Variants in PCDH9 observed in about 807,000 individuals in gnomAD.
PCDH9 encodes protocadherin-9.
Under a neutral mutation model 70.6 loss-of-function variants are expected in PCDH9, and 24 were observed. That is an observed-to-expected ratio of 0.34 (90% CI 0.25 to 0.48). The LOEUF is 0.48. Ranked by LOEUF, PCDH9 falls within the 20% of genes least tolerant of loss-of-function variation. The pLI is 0.99. For missense variants in PCDH9, 1,281 were observed against 1,503.6 expected (o/e 0.85, Z 2.45); for synonymous variants, 562 against 558.5 (o/e 1.01, Z -0.09).
At chr13:66,526,708 AT>A (rs1188993396) in intron 4 of PCDH9, among the ~76,000 whole-genome samples, 1 of 152,168 alleles carries the variant, frequency 6.6e-6, no homozygotes, top group Non-Finnish European at 1.5e-5. Context: ...AGTAACAAAT[AT>A]GTGAAACATA....
Position 66,468,189 on chromosome 13 carries a change from C to CA in PCDH9, c.3340+163020dup, listed in dbSNP as rs548875813. Among the ~76,000 whole-genome samples, 44 of 152,176 alleles carry CA rather than the reference C, an allele frequency of 2.9e-4. No individual in the cohort carries two copies. In the South Asian group the frequency reaches 8.9e-3, roughly 31 times the overall value. On this transcript the variant is annotated intron_variant, in intron 4 of 4. Transcript: ENST00000377865. ...ACTCTCTCATCCCAGGAAATACCAC[C>CA]ACCATGGTATTTCTGAAGTGAAGGC...
At chr13:66,974,021 C>G (rs2083571278) in intron 2 of PCDH9, among the ~76,000 whole-genome samples, 1 of 151,928 alleles carries the variant, frequency 6.6e-6, no homozygotes, top group Admixed American at 6.6e-5. Flanking sequence ...ACAGTGAAAG[C>G]AAATGTGTGA....
chr13:66,380,823 G>A (rs2138241540), intron 4 of PCDH9, among the ~76,000 whole-genome samples: 1 of 152,238 alleles, frequency 6.6e-6, no homozygotes, highest in South Asian at 2.1e-4. Flanking sequence ...GATTACAGGC[G>A]TGAGCCACCG....
chr13:66,606,929 T>C (rs768433941), intron 4 of PCDH9, among the ~76,000 whole-genome samples: 1 of 152,166 alleles, frequency 6.6e-6, no homozygotes, highest in Non-Finnish European at 1.5e-5. Context: ...TCATCTGTGA[T>C]ACTAGATGGT....
intron 3 of PCDH9, among the ~76,000 whole-genome samples, chr13:66,795,486 A>T (rs904576469): frequency 6.6e-6 from 1 of 152,172 alleles, no homozygotes; most frequent in African/African-American, 2.4e-5. Flanking sequence ...CCGATATATG[A>T]CTGGGGGAAA....
intron 2 of PCDH9, among the ~76,000 whole-genome samples, chr13:67,037,075 G>A (rs2085024165): frequency 6.6e-6 from 1 of 152,138 alleles, no homozygotes; most frequent in Non-Finnish European, 1.5e-5. Context: ...TTAGTTAAAA[G>A]CAGCTTTAGA....
At chr13:67,027,102 G>A (rs960086629) in intron 2 of PCDH9, among the ~76,000 whole-genome samples, 2 of 151,898 alleles carry the variant, frequency 1.3e-5, no homozygotes, top group African/African-American at 4.8e-5. Flanking sequence ...AGCCCGCATT[G>A]CCAAGTCAAT....
At chr13:66,669,225 C>T (rs1200445918) in intron 3 of PCDH9, among the ~76,000 whole-genome samples, 3 of 152,124 alleles carry the variant, frequency 2.0e-5, no homozygotes, top group African/African-American at 4.8e-5. Flanking sequence ...AAAGCTAACG[C>T]TACCTATCTC....
chr13:66,911,551 C>A (rs959360109), intron 2 of PCDH9, among the ~76,000 whole-genome samples: 1 of 152,136 alleles, frequency 6.6e-6, no homozygotes, highest in Non-Finnish European at 1.5e-5. Context: ...TTATGCAATT[C>A]TTTTAACCCA....
intron 3 of PCDH9, among the ~76,000 whole-genome samples, chr13:66,826,159 T>C (rs965810924): frequency 2.0e-5 from 3 of 152,184 alleles, no homozygotes; most frequent in Non-Finnish European, 4.4e-5. Flanking sequence ...GTATAACATA[T>C]TCAAAAACTT....
chr13:67,229,565 G>C (rs1156905577), intron 1 of PCDH9, among the ~76,000 whole-genome samples: 2 of 152,182 alleles, frequency 1.3e-5, no homozygotes, highest in Non-Finnish European at 2.9e-5. Context: ...AGTAGGACTG[G>C]TCAGTTCTCA....
chr13:67,077,965 A>C (rs1355689104), intron 2 of PCDH9, among the ~76,000 whole-genome samples: 1 of 152,176 alleles, frequency 6.6e-6, no homozygotes, highest in Non-Finnish European at 1.5e-5. Flanking sequence ...CATTTGATGA[A>C]GTACACATTC....
At chr13:66,561,867 G>C (rs1298701109) in intron 4 of PCDH9, among the ~76,000 whole-genome samples, 1 of 151,970 alleles carries the variant, frequency 6.6e-6, no homozygotes, top group South Asian at 2.1e-4. Context: ...CAACCCGCTC[G>C]GGTCCTCTTC....
At chr13:66,778,277 TATA>T (rs201574363) in intron 3 of PCDH9, among the ~76,000 whole-genome samples, 35 of 151,744 alleles carry the variant, frequency 2.3e-4, no homozygotes, top group Non-Finnish European at 4.0e-4. Flanking sequence ...AAACTTAAAG[TATA>T]ATAATAATAA....
chr13:67,184,779 T>C (rs2088707900), intron 2 of PCDH9, among the ~76,000 whole-genome samples: 1 of 152,114 alleles, frequency 6.6e-6, no homozygotes, highest in African/African-American at 2.4e-5. Context: ...GTGAGGGGTA[T>C]TGATGTATTG....
At chr13:66,396,764 A>C (rs987250360) in intron 4 of PCDH9, among the ~76,000 whole-genome samples, 42 of 152,190 alleles carry the variant, frequency 2.8e-4, no homozygotes, top group African/African-American at 9.9e-4. Flanking sequence ...AAATACAAGA[A>C]TGTATATGAA....
intron 3 of PCDH9, among the ~76,000 whole-genome samples, chr13:66,850,440 G>A (rs2081296934): frequency 6.6e-6 from 1 of 151,992 alleles, no homozygotes; most frequent in Non-Finnish European, 1.5e-5. Flanking sequence ...GAACCTAGGA[G>A]GCGGAGTTTG....
At chr13:66,919,180 G>T (rs1438583410) in intron 2 of PCDH9, among the ~76,000 whole-genome samples, 1 of 151,130 alleles carries the variant, frequency 6.6e-6, no homozygotes, top group South Asian at 2.1e-4. Flanking sequence ...GCATTCAGTT[G>T]TCTGCAATAT....
chr13:66,971,094 T>C (rs1420582149), intron 2 of PCDH9, among the ~76,000 whole-genome samples: 3 of 152,052 alleles, frequency 2.0e-5, no homozygotes, highest in Non-Finnish European at 4.4e-5. Context: ...TTTGGACAAA[T>C]TGTGAGTTTT....
Sources: allele counts gnomAD v4.1 joint callset (sites outside exome capture counted in the v4.1 genomes callset), GRCh38; gene constraint gnomAD v4.1.1; transcripts MANE v1.5; gene names NCBI Gene and HGNC (gene_info 2026-07-23, HGNC 2026-07-21).